Variants in TARS1 observed in about 807,000 individuals in gnomAD.
The protein encoded by TARS1 is threonine--tRNA ligase 1, cytoplasmic.
Under a neutral mutation model 97.7 loss-of-function variants are expected in TARS1, and 57 were observed. The ratio of observed to expected loss-of-function variants is 0.58; its 90% CI spans 0.47 to 0.73. TARS1 has a LOEUF of 0.73. Ranked by LOEUF, TARS1 falls within the 30% of genes least tolerant of loss-of-function variation. TARS1 has a pLI of 0.00. For synonymous variants in TARS1, 312 were observed against 293.7 expected (o/e 1.06, Z -0.64); for missense variants, 806 against 888.3 (o/e 0.91, Z 1.18).
intron 5 of TARS1, 130 bp from the exon 6 acceptor site, chr5:33,455,457 C>A (rs6880616): frequency 0.14 from 78,500 of 553,054 alleles, 6,197 homozygotes; most frequent in South Asian, 0.25. Flanking sequence ...TTCTAAGATA[C>A]GATGCAATAG....
At chr5:33,462,299 G>T (rs1472677240) in intron 16 of TARS1, 96 bp downstream of exon 16, 1 of 1,131,324 alleles carries the variant, frequency 8.8e-7, no homozygotes, top group African/African-American at 1.6e-5. Flanking sequence ...AAGGGAGAAT[G>T]ATTCCAATCG....
rs1741356535 is a variant in TARS1, at chr5:33,445,305, A to G, written c.58-19A>G. On this transcript the variant is annotated intron_variant, in intron 1 of 18. Coordinates refer to ENST00000265112, the MANE Select transcript of TARS1 (RefSeq NM_152295.5). ...GTGTCACATTAGATTAAAATATAAA[A>G]CGTTTTTTGCTTATTTAGATTGGTG... is the stretch of plus-strand genomic sequence containing the variant. 1 of 1,598,438 alleles carries G rather than the reference A, an allele frequency of 6.3e-7. No homozygotes were observed.
Position 33,460,386 on chromosome 5 carries a change from GTTGT to G in TARS1, c.1251-513_1251-510del, listed in dbSNP as rs1742234393. 8.5e-5 allele frequency among the ~76,000 whole-genome samples: 13 copies of G among 152,360 alleles called. No individual in the cohort carries two copies. The South Asian group carries it at 2.7e-3, about 32-fold the overall frequency. On this transcript the variant is annotated intron_variant, in intron 11 of 18. Transcript: ENST00000265112. ...GGTGTAACAAATTACCTAGTGTGTT[GTTGT>G]TTTAAAGAAACCTGTTCTGTCAAAA...
chr5:33,462,658 A>T (rs1742349513), intron 16 of TARS1, among the ~76,000 whole-genome samples: 1 of 152,188 alleles, frequency 6.6e-6, no homozygotes, highest in South Asian at 2.1e-4. Flanking sequence ...ACAGATGCCA[A>T]ACCGATCAAC....
At chr5:33,442,920 C>A (rs1045248855) in intron 1 of TARS1, among the ~76,000 whole-genome samples, 2 of 151,984 alleles carry the variant, frequency 1.3e-5, no homozygotes, top group Non-Finnish European at 2.9e-5. Flanking sequence ...CCGTTTTTTT[C>A]CTTCCTCAAA....
chr5:33,452,329 A>G (rs1238665518), intron 3 of TARS1: 3 of 1,532,946 alleles, frequency 2.0e-6, no homozygotes, highest in Admixed American at 2.0e-5. Context: ...CACCTACTCA[A>G]CTCTGCTCTA....
At chr5:33,443,306 C>CCTCTCTCTCCCT (rs1741212437) in intron 1 of TARS1, among the ~76,000 whole-genome samples, 7 of 85,560 alleles carry the variant, frequency 8.2e-5, no homozygotes, top group African/African-American at 3.1e-4. Flanking sequence ...GTGGTGATTC[C>CCTCTCTCTCCCT]CTCTCTCTCT....
At chr5:33,440,711 A>G, upstream of TARS1, 1 of 431,908 alleles carries the variant, frequency 2.3e-6, no homozygotes, top group Non-Finnish European at 4.1e-6. Flanking sequence ...TGTTCCACAT[A>G]AAGTCAGAAG....
intron 5 of TARS1, among the ~76,000 whole-genome samples, chr5:33,455,315 T>C (rs567501062): frequency 6.6e-6 from 1 of 152,238 alleles, no homozygotes; most frequent in Non-Finnish European, 1.5e-5. Context: ...GGTCCTCCCC[T>C]CTCCTTTAAA....
intron 18 of TARS1, among the ~76,000 whole-genome samples, chr5:33,467,345 T>C (rs1338971781): frequency 5.3e-5 from 8 of 152,226 alleles, no homozygotes. Context: ...ATTATTTGGT[T>C]GTTACGTTGT....
chr5:33,459,178 T>C (rs2111567177), intron 10 of TARS1, among the ~76,000 whole-genome samples: 1 of 152,284 alleles, frequency 6.6e-6, no homozygotes, highest in East Asian at 1.9e-4. Flanking sequence ...CTGGTATATA[T>C]ATCCATATAC....
At position 33,453,263 on chromosome 5, in the gene TARS1, C is replaced by CTTTT. The variant is rs35931457; in HGVS notation, c.330-7_330-4dup. ...TCGTGTGTACTTATATATGTGTGGA[C>CTTTT]TTTTTTTTTTTTTTTTTTTTTTAAG... On this transcript the variant is annotated intron_variant, in intron 3 of 18. Coordinates refer to ENST00000265112, the MANE Select transcript of TARS1 (RefSeq NM_152295.5). 76 of 1,342,408 alleles carry CTTTT rather than the reference C, an allele frequency of 5.7e-5. 1 individual carries two copies. Among genetic ancestry groups the CTTTT allele is most frequent in the Middle Eastern group, 2.2e-4 (1 of 4,550 alleles). The allele number at this position is 1,342,408 out of a possible 1,614,324, so 83.2% of individuals were successfully genotyped here. A position where few individuals can be genotyped will look rare whatever the true frequency, so the allele number is the denominator to read the frequency against.
At chr5:33,455,948 A>C in intron 6 of TARS1, 54 bp from the exon 7 acceptor site, 1 of 1,499,246 alleles carries the variant, frequency 6.7e-7, no homozygotes, top group Non-Finnish European at 9.2e-7. Flanking sequence ...TATAGTACTT[A>C]GAAGTAAAAA....
rs1166797967 is a variant in TARS1 at position 33,447,942 on chromosome 5, A to G, written c.139-599A>G. 2.0e-5 allele frequency among the ~76,000 whole-genome samples: 3 copies of G among 152,234 alleles called. No homozygotes were observed. The East Asian group carries it at 5.8e-4, about 29-fold the overall frequency. On this transcript the variant is annotated intron_variant, in intron 2 of 18. Transcript: ENST00000265112. ...CTTTTTCTTTCTTTGCCAAACCTCT[A>G]GAAACCTAAGTGGGTGTTTTATATA...
chr5:33,445,308 T>G lies in TARS1; in HGVS notation c.58-16T>G. ...TCACATTAGATTAAAATATAAAACG[T>G]TTTTTGCTTATTTAGATTGGTGCTG... On this transcript the variant is annotated splice_polypyrimidine_tract_variant and intron_variant, in intron 1 of 18. Coordinates refer to ENST00000265112, the MANE Select transcript of TARS1 (RefSeq NM_152295.5). The G allele has an allele frequency of 6.2e-7, 1 of 1,602,060 alleles. No homozygotes were observed.
chr5:33,461,711 A>T lies in TARS1; in HGVS notation c.1596A>T (p.Leu532Phe). Residue 532 changes from leucine to phenylalanine, a missense_variant, in exon 14 of 19, where the codon TTA (leucine) becomes TTT (phenylalanine). Transcript: ENST00000265112. ...SLNEFGEKWE[L>F]NSGDGAFYGP... Reference sequence around the variant, plus strand: ...ATGAATTTGGTGAAAAGTGGGAGTTAAACTCTGGAGATGGAGCTTTCTATG... The same window carrying T: ...ATGAATTTGGTGAAAAGTGGGAGTTTAACTCTGGAGATGGAGCTTTCTATG... The T allele has an allele frequency of 6.2e-7, 1 of 1,614,138 alleles. No homozygotes were observed.
rs773046311 is a variant in TARS1 at position 33,453,262 on chromosome 5, A to G, written c.330-27A>G. The G allele has an allele frequency of 8.4e-3, 10,136 of 1,213,340 alleles. 47 individuals are homozygous for G. Among genetic ancestry groups the G allele is most frequent in the Non-Finnish European group, 0.01 (8,927 of 882,108 alleles). The allele number at this position is 1,213,340 out of a possible 1,614,324, so 75.2% of individuals were successfully genotyped here. ...TTCGTGTGTACTTATATATGTGTGG[A>G]CTTTTTTTTTTTTTTTTTTTTTTAA... On this transcript the variant is annotated intron_variant, in intron 3 of 18. Coordinates refer to ENST00000265112, the MANE Select transcript of TARS1 (RefSeq NM_152295.5).
At position 33,466,986 on chromosome 5, in the gene TARS1, G is replaced by T. The variant is rs1742557028; in HGVS notation, c.2023+1G>T. 6.5e-7 allele frequency: 1 copy of T among 1,544,064 alleles called. No individual in the cohort carries two copies. The highest frequency in any genetic ancestry group is 1.3e-5 in the South Asian group (1 of 79,212). Reference sequence around the variant, plus strand: ...TTAGCACAGTATAACTTCATTTTAGGTAAGAATGGAAACTTACCAAAGAAA... The same window carrying T: ...TTAGCACAGTATAACTTCATTTTAGTTAAGAATGGAAACTTACCAAAGAAA... On this transcript the variant is annotated splice_donor_variant, in intron 18 of 18. Coordinates refer to ENST00000265112, the MANE Select transcript of TARS1 (RefSeq NM_152295.5). LOFTEE classifies it high-confidence loss of function.
intron 15 of TARS1, 34 bp downstream of exon 15, chr5:33,462,040 A>C (rs1224609962): frequency 6.2e-7 from 1 of 1,604,828 alleles, no homozygotes; most frequent in South Asian, 1.1e-5. Flanking sequence ...AATATTCTCC[A>C]GGGATATATA....
Sources: allele counts gnomAD v4.1 joint callset (sites outside exome capture counted in the v4.1 genomes callset), GRCh38; gene constraint gnomAD v4.1.1; transcripts MANE v1.5; gene names NCBI Gene and HGNC (gene_info 2026-07-23, HGNC 2026-07-21).